Variants in TNNI3K observed in about 807,000 individuals in gnomAD.
TNNI3K encodes the protein TNNI3 interacting kinase.
In TNNI3K, 140 loss-of-function variants were observed where a neutral mutation model predicts 114.5. The ratio of observed to expected loss-of-function variants is 1.22; its 90% CI spans 1.07 to 1.41. TNNI3K has a LOEUF of 1.41. Ranked by LOEUF, TNNI3K falls within the 40% of genes most tolerant of loss-of-function variation. TNNI3K has a pLI of 0.00. For missense variants in TNNI3K, 1,125 were observed against 1,007.6 expected, an observed-to-expected ratio of 1.12 and a Z score of -1.58; for synonymous variants, 347 against 347.5, an observed-to-expected ratio of 1.00 and a Z score of 0.02.
In TNNI3K at chr1:74,242,130, T is replaced by G. The variant is rs528814541; in HGVS notation, c.149+5920T>G. On this transcript the variant is annotated intron_variant, in intron 2 of 24. Transcript: ENST00000326637. ...TCCCAAAGTGCTGGGATTACAAGCA[T>G]GAGCCACCGCGCCTGACCCAGAAAA... is the stretch of plus-strand genomic sequence containing the variant. Among the ~76,000 whole-genome samples, 720 of 152,238 alleles carry G rather than the reference T, an allele frequency of 4.7e-3. 4 individuals are homozygous for G. The highest frequency in any genetic ancestry group is 0.016 in the African/African-American group (682 of 41,542).
At chr1:74,361,380 C>T (rs570882577) in intron 11 of TNNI3K, among the ~76,000 whole-genome samples, 1 of 152,034 alleles carries the variant, frequency 6.6e-6, no homozygotes, top group Non-Finnish European at 1.5e-5. Context: ...CTTCCTAGAG[C>T]TTGGCTAAAT....
intron 17 of TNNI3K, among the ~76,000 whole-genome samples, chr1:74,417,183 G>A (rs1665157877): frequency 6.6e-6 from 1 of 152,010 alleles, no homozygotes; most frequent in Admixed American, 6.6e-5. Context: ...TTGTTCTTAG[G>A]ATATATGTGA....
At chr1:74,368,189 A>G (rs1662380898) in intron 13 of TNNI3K, among the ~76,000 whole-genome samples, 1 of 151,902 alleles carries the variant, frequency 6.6e-6, no homozygotes, top group African/African-American at 2.4e-5. Context: ...TTAAAGAAAA[A>G]TCAAATTCTC....
intron 17 of TNNI3K, among the ~76,000 whole-genome samples, chr1:74,396,753 T>A (rs1397093474): frequency 1.3e-5 from 2 of 152,208 alleles, no homozygotes; most frequent in African/African-American, 4.8e-5. Flanking sequence ...GGGCACAGAA[T>A]GTCCCAAAAG....
chr1:74,363,457 A>G (rs1481587263), intron 11 of TNNI3K, among the ~76,000 whole-genome samples: 1 of 152,076 alleles, frequency 6.6e-6, no homozygotes. Flanking sequence ...TCCCAAAGAA[A>G]ATGCCAGCAA....
chr1:74,354,018 G>A lies in TNNI3K; in HGVS notation c.1066G>A (p.Val356Ile), dbSNP rs1661527746. The change falls in exon 11 of 25, where the codon GTT becomes ATT. Residue 356 changes from valine (V) to isoleucine (I), a missense_variant. Physicochemically the swap from Val to Ile is conservative, Grantham distance 29. Coordinates refer to ENST00000326637, the MANE Select transcript of TNNI3K (RefSeq NM_015978.3). ...SACYHGHIRL[V>I]QFLLDNGADM... Reference sequence around the variant, plus strand: ...TTGCTACCACGGTCACATTCGCCTGGTTCAGTTCTTACTGGATAATGGAGC... The same window carrying A: ...TTGCTACCACGGTCACATTCGCCTGATTCAGTTCTTACTGGATAATGGAGC... 1 of 1,613,846 alleles carries A rather than the reference G, an allele frequency of 6.2e-7. No individual in the cohort carries two copies. The highest frequency in any genetic ancestry group is 1.1e-5 in the South Asian group (1 of 91,070).
intron 22 of TNNI3K, among the ~76,000 whole-genome samples, chr1:74,490,124 T>C (rs771135546): frequency 3.3e-5 from 5 of 151,614 alleles, no homozygotes; most frequent in Admixed American, 6.6e-5. Flanking sequence ...GGATTTGCAG[T>C]TACAGCCTGC....
intron 23 of TNNI3K, among the ~76,000 whole-genome samples, chr1:74,515,067 C>A (rs1646329858): frequency 6.6e-6 from 1 of 152,184 alleles, no homozygotes; most frequent in Non-Finnish European, 1.5e-5. Context: ...AGGACATGGG[C>A]ACAGAATTTT....
At chr1:74,483,242 A>T (rs1164460603) in intron 21 of TNNI3K, 1 of 716,496 alleles carries the variant, frequency 1.4e-6, no homozygotes. Context: ...ACTGCTTTTT[A>T]GAGTTATTAG....
At chr1:74,393,595 A>C (rs887416803) in intron 17 of TNNI3K, among the ~76,000 whole-genome samples, 1 of 152,240 alleles carries the variant, frequency 6.6e-6, no homozygotes, top group African/African-American at 2.4e-5. Context: ...AGGTGGATCA[A>C]GTAACAAATA....
intron 2 of TNNI3K, among the ~76,000 whole-genome samples, chr1:74,248,371 G>A (rs1459919088): frequency 6.6e-6 from 1 of 152,152 alleles, no homozygotes; most frequent in Non-Finnish European, 1.5e-5. Flanking sequence ...GCAGTGTCAG[G>A]CTGAAGGGCT....
chr1:74,431,486 G>A (rs1430595435), intron 17 of TNNI3K, among the ~76,000 whole-genome samples: 1 of 151,972 alleles, frequency 6.6e-6, no homozygotes, highest in African/African-American at 2.4e-5. Context: ...CTTTCTGAAG[G>A]CATACACTGC....
intron 16 of TNNI3K, 92 bp from the exon 17 acceptor site, chr1:74,370,196 A>G (rs770850726): frequency 2.1e-5 from 23 of 1,111,216 alleles, no homozygotes; most frequent in Non-Finnish European, 2.8e-5. Flanking sequence ...AATGGTTAAG[A>G]TGATATAAAA....
At chr1:74,538,822 A>T (rs1021468026) in intron 23 of TNNI3K, among the ~76,000 whole-genome samples, 8 of 152,176 alleles carry the variant, frequency 5.3e-5, no homozygotes, top group African/African-American at 1.9e-4. Flanking sequence ...AAGAGCTTGG[A>T]GGGTTCAAGA....
At position 74,282,386 on chromosome 1, in the gene TNNI3K, G is replaced by A. The variant is rs546861730; in HGVS notation, c.444+10678G>A. Among the ~76,000 whole-genome samples the A allele has an allele frequency of 9.9e-5, 15 of 152,008 alleles. No homozygotes were observed. The East Asian group carries it at 2.9e-3, about 30-fold the overall frequency. On this transcript the variant is annotated intron_variant, in intron 5 of 24. Transcript: ENST00000326637. ...GTTGGCGAATTTGATTTCCTCTGAG[G>A]CCTCTCTCCTTGGTTTGCAGATGCA...
chr1:74,337,193 G>A (rs962510406), intron 7 of TNNI3K, among the ~76,000 whole-genome samples: 43 of 152,110 alleles, frequency 2.8e-4, no homozygotes, highest in African/African-American at 9.9e-4. Flanking sequence ...TTTGTGATGG[G>A]GTTGTTTATT....
intron 4 of TNNI3K, among the ~76,000 whole-genome samples, chr1:74,265,948 A>G (rs377270890): frequency 3.9e-5 from 6 of 152,000 alleles, no homozygotes; most frequent in African/African-American, 1.2e-4. Context: ...TGGTAGTACT[A>G]TGGGTTATTG....
At chr1:74,447,271 G>C (rs1303436331) in intron 20 of TNNI3K, among the ~76,000 whole-genome samples, 1 of 148,994 alleles carries the variant, frequency 6.7e-6, no homozygotes, top group African/African-American at 2.5e-5. Context: ...CTTGTAAGTT[G>C]GATTCCTAGG....
At chr1:74,483,462 G>T in intron 21 of TNNI3K, 1 of 614,260 alleles carries the variant, frequency 1.6e-6, no homozygotes, top group South Asian at 1.9e-5. Flanking sequence ...GAGGCATTTT[G>T]GTAATTTCTA....
Sources: gnomAD v4.1 joint callset for allele counts (sites outside exome capture counted in the v4.1 genomes callset) on GRCh38, gnomAD v4.1.1 for gene constraint, MANE v1.5 for transcripts, NCBI Gene and HGNC (gene_info 2026-07-23, HGNC 2026-07-21) for gene names.